Variants in PTPRO observed in about 807,000 individuals in gnomAD.
The protein encoded by PTPRO is receptor-type tyrosine-protein phosphatase O.
A neutral mutation model predicts 145.2 loss-of-function variants in PTPRO; 62 were observed. That is an observed-to-expected ratio of 0.43 (90% CI 0.35 to 0.53). The LOEUF is 0.53. Among genes scored for constraint, PTPRO ranks in the 20% least tolerant of loss-of-function variants. The pLI is 0.01. For synonymous variants in PTPRO, 565 were observed against 514.7 expected (o/e 1.10, Z -1.32); for missense variants, 1,345 against 1,482.7 (o/e 0.91, Z 1.53).
At chr12:15,566,652 CT>C (rs1168436402) in intron 18 of PTPRO, among the ~76,000 whole-genome samples, 1 of 152,110 alleles carries the variant, frequency 6.6e-6, no homozygotes, top group Non-Finnish European at 1.5e-5. Flanking sequence ...TCCCCAGTAG[CT>C]AATACTACAG....
chr12:15,376,610 A>T (rs529446599), intron 1 of PTPRO, among the ~76,000 whole-genome samples: 1 of 152,298 alleles, frequency 6.6e-6, no homozygotes, highest in South Asian at 2.1e-4. Flanking sequence ...AACAACAAGT[A>T]TTTGTTTCTC....
rs915589063 is a variant in PTPRO, at chr12:15,494,886, G to A, written c.350-2359G>A. Among the ~76,000 whole-genome samples the A allele has an allele frequency of 7.2e-5, 11 of 152,144 alleles. No individual in the cohort carries two copies. The South Asian group carries it at 1.0e-3, about 14-fold the overall frequency. On this transcript the variant is annotated intron_variant, in intron 2 of 26. Coordinates refer to ENST00000281171, the MANE Select transcript of PTPRO (RefSeq NM_030667.3). ...GCAGCAGTGAAGGAGTTACTGCTCC[G>A]TGGCTACTTTTTCTGTCTCCTTTCA...
intron 1 of PTPRO, among the ~76,000 whole-genome samples, chr12:15,436,720 G>T (rs1184523324): frequency 6.6e-6 from 1 of 152,210 alleles, no homozygotes; most frequent in African/African-American, 2.4e-5. Context: ...CCATGCTTTG[G>T]TGCCCTAGCA....
intron 1 of PTPRO, among the ~76,000 whole-genome samples, chr12:15,448,225 G>A (rs1419579675): frequency 6.7e-6 from 1 of 149,450 alleles, no homozygotes; most frequent in Non-Finnish European, 1.5e-5. Context: ...TACACTGTAT[G>A]TTAAAAATGA....
At chr12:15,518,208 T>C (rs1243684391) in intron 9 of PTPRO, among the ~76,000 whole-genome samples, 5 of 151,898 alleles carry the variant, frequency 3.3e-5, no homozygotes, top group Non-Finnish European at 5.9e-5. Flanking sequence ...GCTTGCACCC[T>C]CTGAAGCCAC....
At chr12:15,449,556 T>C (rs940730372) in intron 1 of PTPRO, among the ~76,000 whole-genome samples, 9 of 152,190 alleles carry the variant, frequency 5.9e-5, no homozygotes, top group African/African-American at 2.2e-4. Flanking sequence ...TAACATTGTA[T>C]TGCAATACTG....
chr12:15,575,316 T>G (rs554681423), intron 19 of PTPRO, among the ~76,000 whole-genome samples: 1 of 152,142 alleles, frequency 6.6e-6, no homozygotes, highest in African/African-American at 2.4e-5. Flanking sequence ...CCAGGTTCCT[T>G]CCCCACTGCA....
rs181898790 is a variant in PTPRO at position 15,588,105 on chromosome 12, G to C, written c.3410+1054G>C. 7.1e-4 allele frequency among the ~76,000 whole-genome samples: 108 copies of C among 152,260 alleles called. 4 individuals carry two copies. The highest frequency in any genetic ancestry group is 6.9e-3 in the Admixed American group (106 of 15,282). On this transcript the variant is annotated intron_variant, in intron 24 of 26. Coordinates refer to ENST00000281171, the MANE Select transcript of PTPRO (RefSeq NM_030667.3). ...GGTAAGATTATCTGTTCTCAAAATG[G>C]TTCTTTTCAAGAACAGAAAATGAAG... is the stretch of plus-strand genomic sequence containing the variant.
At chr12:15,463,423 T>A (rs1467303769) in intron 1 of PTPRO, among the ~76,000 whole-genome samples, 3 of 152,192 alleles carry the variant, frequency 2.0e-5, no homozygotes, top group Non-Finnish European at 4.4e-5. Flanking sequence ...ATGATTTTTT[T>A]AAGAATGCAT....
chr12:15,526,022 A>G (rs372989253), intron 11 of PTPRO, 120 bp from the exon 12 acceptor site: 15 of 1,275,454 alleles, frequency 1.2e-5, no homozygotes, highest in East Asian at 1.2e-4. Context: ...AATATAATCA[A>G]TTGCAGACTG....
intron 17 of PTPRO, chr12:15,565,237 T>C (rs1565432485): frequency 5.9e-6 from 1 of 170,812 alleles, no homozygotes; most frequent in Non-Finnish European, 1.2e-5. Flanking sequence ...TCTTCCTTCC[T>C]GCCTGTAGAA....
intron 1 of PTPRO, among the ~76,000 whole-genome samples, chr12:15,402,521 T>A (rs1276227285): frequency 9.9e-5 from 15 of 152,136 alleles, no homozygotes; most frequent in Admixed American, 9.8e-4. Context: ...GAAGGAACAA[T>A]CCACAATACT....
intron 15 of PTPRO, among the ~76,000 whole-genome samples, chr12:15,555,342 A>C (rs1358501575): frequency 6.6e-6 from 1 of 152,220 alleles, no homozygotes; most frequent in Admixed American, 6.5e-5. Context: ...TGCATTAATC[A>C]CTGGAACAAT....
rs200031739 is a variant in PTPRO at position 15,501,647 on chromosome 12, T to C, written c.689T>C (p.Val230Ala). 8.4e-5 allele frequency: 135 copies of C among 1,613,928 alleles called. No individual in the cohort carries two copies. The highest frequency in any genetic ancestry group is 3.3e-4 in the Middle Eastern group (2 of 6,060). The change falls in exon 5 of 27, where the codon GTT becomes GCT. Residue 230 changes from valine (V) to alanine (A), a missense_variant. Transcript: ENST00000281171. ...CCTTATCCACCTCAAAATATTTCCGTTCGTATCGTAAACTTGAACAAAAAC... is the reference window on the plus strand; with the variant it reads ...CCTTATCCACCTCAAAATATTTCCGCTCGTATCGTAAACTTGAACAAAAAC... ...TAPYPPQNIS[V>A]RIVNLNKNNW...
rs767723944 is a variant in PTPRO, at chr12:15,524,777, C to T, written c.1892-37C>T. On this transcript the variant is annotated intron_variant, in intron 10 of 26. Transcript: ENST00000281171. Reference sequence around the variant, plus strand: ...GCTGGTAAGTACTTTATTTATCCATCTATTATACTAAATTGTGCCTCGTTT... The same window carrying T: ...GCTGGTAAGTACTTTATTTATCCATTTATTATACTAAATTGTGCCTCGTTT... The T allele has an allele frequency of 5.7e-6, 9 of 1,583,802 alleles. No homozygotes were observed. The Admixed American group carries it at 1.0e-4, about 18-fold the overall frequency.
At chr12:15,409,534 T>A (rs1939736687) in intron 1 of PTPRO, among the ~76,000 whole-genome samples, 1 of 152,194 alleles carries the variant, frequency 6.6e-6, no homozygotes, top group Non-Finnish European at 1.5e-5. Flanking sequence ...ATTAGGCTAT[T>A]CTTACATTGC....
At position 15,350,644 on chromosome 12, in the gene PTPRO, T is replaced by C. The variant is rs570110209; in HGVS notation, c.75+27843T>C. Among the ~76,000 whole-genome samples the C allele has an allele frequency of 2.6e-5, 4 of 152,312 alleles. No individual in the cohort carries two copies. The East Asian group carries it at 7.7e-4, about 29-fold the overall frequency. On this transcript the variant is annotated intron_variant, in intron 1 of 26. Coordinates refer to ENST00000281171, the MANE Select transcript of PTPRO (RefSeq NM_030667.3). ...TAGACAAAATAATTGCTATCAAATA[T>C]TCTGATACAGGAATTCTTGAAACTG... is the stretch of plus-strand genomic sequence containing the variant.
intron 12 of PTPRO, among the ~76,000 whole-genome samples, chr12:15,544,604 G>A (rs1943245423): frequency 6.6e-6 from 1 of 150,800 alleles, no homozygotes; most frequent in Non-Finnish European, 1.5e-5. Flanking sequence ...CCTCAGAATT[G>A]TGACTGAGGA....
At chr12:15,538,589 A>G (rs1020691211) in intron 12 of PTPRO, among the ~76,000 whole-genome samples, 1 of 152,236 alleles carries the variant, frequency 6.6e-6, no homozygotes, top group South Asian at 2.1e-4. Flanking sequence ...CTGCAGGTAC[A>G]TGATTCTCTC....
Sources: gnomAD v4.1 joint callset for allele counts (sites outside exome capture counted in the v4.1 genomes callset) on GRCh38, gnomAD v4.1.1 for gene constraint, MANE v1.5 for transcripts, NCBI Gene and HGNC (gene_info 2026-07-23, HGNC 2026-07-21) for gene names.